Variants in RNF144B observed in about 807,000 individuals in gnomAD.
RNF144B encodes the protein E3 ubiquitin-protein ligase RNF144B.
In RNF144B, 25 loss-of-function variants were observed where a neutral mutation model predicts 40.2. The observed-to-expected ratio is 0.62, with a 90% CI of 0.45 to 0.87. The LOEUF is 0.87. Ranked by LOEUF, RNF144B falls within the 40% of genes least tolerant of loss-of-function variation. RNF144B has a pLI of 0.00. For missense variants in RNF144B, 365 were observed against 373.7 expected, an observed-to-expected ratio of 0.98 and a Z score of 0.19; for synonymous variants, 145 against 136.3, an observed-to-expected ratio of 1.06 and a Z score of -0.44.
At position 18,400,055 on chromosome 6, in the gene RNF144B, A is replaced by G. The variant is rs1794769964; in HGVS notation, c.165+356A>G. ...GGGAGGCCGAGGCGGGCGGATCACA[A>G]GGTCAGAAGATCGAGACCATCCTAG... is the stretch of plus-strand genomic sequence containing the variant. On this transcript the variant is annotated intron_variant, in intron 2 of 7. Transcript: ENST00000259939. The surrounding 1 kb of genome is among the most constrained non-coding windows in gnomAD (Gnocchi z 5.6). Among the ~76,000 whole-genome samples the G allele has an allele frequency of 6.6e-6, 1 of 152,094 alleles. No individual in the cohort carries two copies. The highest frequency in any genetic ancestry group is 2.4e-5 in the African/African-American group (1 of 41,414).
rs1301639985 is a variant in RNF144B, at chr6:18,442,876, AT to A, written c.331+3138del. ...CTGTAGTAGCAGGTATAAGAATTTC[AT>A]TTTTTAAGGCTGAATAACCTATTGT... is the stretch of plus-strand genomic sequence containing the variant. On this transcript the variant is annotated intron_variant, in intron 4 of 7. Transcript: ENST00000259939. The surrounding 1 kb of genome is among the most constrained non-coding windows in gnomAD (Gnocchi z 4.3). Among the ~76,000 whole-genome samples, 3 of 152,154 alleles carry A rather than the reference AT, an allele frequency of 2.0e-5. No homozygotes were observed. Among genetic ancestry groups the A allele is most frequent in the East Asian group, 3.9e-4 (2 of 5,190 alleles).
chr6:18,397,126 G>A (rs963179051), intron 1 of RNF144B, among the ~76,000 whole-genome samples: 1 of 152,198 alleles, frequency 6.6e-6, no homozygotes, highest in African/African-American at 2.4e-5. Flanking sequence ...GGTTGCTCGA[G>A]TTAGTAATCG....
chr6:18,403,057 C>T (rs1197496770), intron 2 of RNF144B, among the ~76,000 whole-genome samples: 1 of 152,212 alleles, frequency 6.6e-6, no homozygotes, highest in African/African-American at 2.4e-5. Context: ...TTAAATATCT[C>T]AGGGATGTTT....
rs564954404 is a variant in RNF144B, at chr6:18,450,406, T to C, written c.332-6749T>C. ...TCCGCCTCCCGGGTTCAAGTGATTC[T>C]CCTGCCTCAGCCTCCCGAGTAGCTG... is the stretch of plus-strand genomic sequence containing the variant. On this transcript the variant is annotated intron_variant, in intron 4 of 7. Transcript: ENST00000259939. This position sits in a 1 kb window ranked among gnomAD's most constrained non-coding sequence, Gnocchi z 4.7. Among the ~76,000 whole-genome samples the C allele has an allele frequency of 1.3e-5, 2 of 152,228 alleles. No homozygotes were observed. The highest frequency in any genetic ancestry group is 3.9e-4 in the East Asian group (2 of 5,176).
intron 2 of RNF144B, among the ~76,000 whole-genome samples, chr6:18,413,709 C>T (rs968175092): frequency 6.6e-6 from 1 of 152,180 alleles, no homozygotes; most frequent in African/African-American, 2.4e-5. Flanking sequence ...CTTAAGAGGA[C>T]CTCAGTCTGA....
At chr6:18,461,427 G>A (rs1759453066) in intron 6 of RNF144B, among the ~76,000 whole-genome samples, 1 of 152,038 alleles carries the variant, frequency 6.6e-6, no homozygotes, top group South Asian at 2.1e-4. Context: ...TTTCCTTCAG[G>A]TTTCACCAGA....
At chr6:18,409,580 T>TTTTA (rs1554173755) in intron 2 of RNF144B, among the ~76,000 whole-genome samples, 1 of 139,186 alleles carries the variant, frequency 7.2e-6, no homozygotes, top group African/African-American at 2.6e-5. Context: ...TTTTTTTTTT[T>TTTTA]ACTTTTTGAG....
rs1364780086 is a variant in RNF144B, at chr6:18,466,401, C to T, written c.*1334C>T. 6.6e-6 allele frequency: 1 copy of T among 151,858 alleles called. No individual in the cohort carries two copies. The highest frequency in any genetic ancestry group is 1.9e-4 in the East Asian group (1 of 5,202). The allele number at this position is 151,858 out of a possible 1,614,324, so 9.4% of individuals were successfully genotyped here. ...TTTCTGTTTCAAGGCACTGATAAAA[C>T]CGCAACAAAAACATGTAAGAAATAA... On this transcript the variant is annotated 3_prime_UTR_variant, in exon 8 of 8. Transcript: ENST00000259939.
At chr6:18,399,117 T>C (rs1348610355) in intron 1 of RNF144B, among the ~76,000 whole-genome samples, 1 of 152,184 alleles carries the variant, frequency 6.6e-6, no homozygotes, top group Non-Finnish European at 1.5e-5. Context: ...CTCTTGGCCA[T>C]TTTCAAGTAT....
intron 2 of RNF144B, among the ~76,000 whole-genome samples, chr6:18,413,767 G>T (rs1456155182): frequency 4.6e-5 from 7 of 152,112 alleles, no homozygotes; most frequent in African/African-American, 1.7e-4. Context: ...TTAATGCATG[G>T]GTTACTGCAG....
chr6:18,414,474 A>G lies in RNF144B; in HGVS notation c.166-13107A>G, dbSNP rs1339351918. Among the ~76,000 whole-genome samples the G allele has an allele frequency of 6.6e-6, 1 of 152,174 alleles. No individual in the cohort carries two copies. Among genetic ancestry groups the G allele is most frequent in the Non-Finnish European group, 1.5e-5 (1 of 68,026 alleles). On this transcript the variant is annotated intron_variant, in intron 2 of 7. Coordinates refer to ENST00000259939, the MANE Select transcript of RNF144B (RefSeq NM_182757.4). This position sits in a 1 kb window ranked among gnomAD's most constrained non-coding sequence, Gnocchi z 4.9. ...TATCCTGTAGGAAAAAATGTTGGTG[A>G]TGAGTTAGCTTTATTCTGTCACTTA...
intron 1 of RNF144B, among the ~76,000 whole-genome samples, chr6:18,390,508 C>G (rs1794558066): frequency 6.6e-6 from 1 of 152,230 alleles, no homozygotes; most frequent in Non-Finnish European, 1.5e-5. Context: ...ATTCAAAACA[C>G]AGCAATCTAA....
At position 18,444,328 on chromosome 6, in the gene RNF144B, A is replaced by G. The variant is rs933831395; in HGVS notation, c.331+4584A>G. 6.6e-6 allele frequency among the ~76,000 whole-genome samples: 1 copy of G among 152,166 alleles called. No homozygotes were observed. Among genetic ancestry groups the G allele is most frequent in the Non-Finnish European group, 1.5e-5 (1 of 68,034 alleles). ...CTGCATCAGCTTTCCAATATTAACA[A>G]GGAAAAGGGAATGCTAAGTTTGGCA... On this transcript the variant is annotated intron_variant, in intron 4 of 7. Transcript: ENST00000259939. The surrounding 1 kb of genome is among the most constrained non-coding windows in gnomAD (Gnocchi z 4.3).
Position 18,444,377 on chromosome 6 carries a change from T to C in RNF144B, c.331+4633T>C, listed in dbSNP as rs1759032321. 1.3e-5 allele frequency among the ~76,000 whole-genome samples: 2 copies of C among 152,224 alleles called. No homozygotes were observed. Among genetic ancestry groups the C allele is most frequent in the African/African-American group, 4.8e-5 (2 of 41,462 alleles). On this transcript the variant is annotated intron_variant, in intron 4 of 7. Coordinates refer to ENST00000259939, the MANE Select transcript of RNF144B (RefSeq NM_182757.4). The surrounding 1 kb of genome is among the most constrained non-coding windows in gnomAD (Gnocchi z 4.3). ...CATGGATTAATGATCACTGCTTTAC[T>C]TTCCAGTGGTTCTCAAAGTACATGC... is the stretch of plus-strand genomic sequence containing the variant.
chr6:18,432,681 C>G (rs1168287564), intron 3 of RNF144B, among the ~76,000 whole-genome samples: 1 of 152,198 alleles, frequency 6.6e-6, no homozygotes, highest in East Asian at 1.9e-4. Flanking sequence ...TTTGTCTGGC[C>G]TGTGCGAATT....
At chr6:18,397,532 G>A (rs1165585604) in intron 1 of RNF144B, among the ~76,000 whole-genome samples, 1 of 152,146 alleles carries the variant, frequency 6.6e-6, no homozygotes, top group African/African-American at 2.4e-5. Flanking sequence ...CAATTATTTA[G>A]TCTCTTTTAA....
intron 2 of RNF144B, among the ~76,000 whole-genome samples, chr6:18,417,925 G>A (rs1696073272): frequency 6.6e-6 from 1 of 152,090 alleles, no homozygotes; most frequent in Admixed American, 6.6e-5. Context: ...TGAAAGTATA[G>A]ATAGTTCTGA....
intron 4 of RNF144B, among the ~76,000 whole-genome samples, chr6:18,451,202 T>C (rs942563391): frequency 6.6e-6 from 1 of 152,220 alleles, no homozygotes; most frequent in African/African-American, 2.4e-5. Flanking sequence ...AAACATCTAT[T>C]TCCTTTTCAT....
At position 18,398,927 on chromosome 6, in the gene RNF144B, A is replaced by G. The variant is rs1353795648; in HGVS notation, c.-36-572A>G. Among the ~76,000 whole-genome samples, 2 of 152,194 alleles carry G rather than the reference A, an allele frequency of 1.3e-5. No individual in the cohort carries two copies. The highest frequency in any genetic ancestry group is 2.9e-5 in the Non-Finnish European group (2 of 68,042). ...GATTGTAGTGATGCAACTCCTAAATATGTTTGCTCATAGTGATATTTCCCG... is the reference window on the plus strand; with the variant it reads ...GATTGTAGTGATGCAACTCCTAAATGTGTTTGCTCATAGTGATATTTCCCG... On this transcript the variant is annotated intron_variant, in intron 1 of 7. Coordinates refer to ENST00000259939, the MANE Select transcript of RNF144B (RefSeq NM_182757.4). This position sits in a 1 kb window ranked among gnomAD's most constrained non-coding sequence, Gnocchi z 5.0.
Sources: gnomAD v4.1 joint callset for allele counts (sites outside exome capture counted in the v4.1 genomes callset) on GRCh38, gnomAD v4.1.1 for gene constraint, Gnocchi (gnomAD v3.1) non-coding constraint, MANE v1.5 for transcripts, NCBI Gene and HGNC (gene_info 2026-07-23, HGNC 2026-07-21) for gene names.